PAWR: variants seen among roughly 807,000 people sequenced by gnomAD.
PAWR encodes PRKC apoptosis WT1 regulator protein.
In PAWR, 23 loss-of-function variants were observed where a neutral mutation model predicts 32.0. The observed-to-expected ratio is 0.72, with a 90% CI of 0.52 to 1.02. The LOEUF (loss-of-function observed/expected upper bound fraction) is 1.02, where lower values mean the gene tolerates loss of function less well. Ranked by LOEUF, PAWR falls within the 50% of genes least tolerant of loss-of-function variation. The probability of loss-of-function intolerance (pLI) is 0.00; values close to 1 mark genes in which losing one functional copy is unlikely to be tolerated. For synonymous variants in PAWR, 226 were observed against 187.1 expected (o/e 1.21, Z -1.70); for missense variants, 457 against 437.7 (o/e 1.04, Z -0.39).
chr12:79,613,528 A>T (rs2136699197), intron 4 of PAWR, 47 bp downstream of exon 4: 1 of 1,010,834 alleles, frequency 9.9e-7, no homozygotes, highest in South Asian at 1.5e-5. Flanking sequence ...TGTCAGACAG[A>T]CATTACATTC....
At chr12:79,647,016 A>C (rs1481925545) in intron 2 of PAWR, among the ~76,000 whole-genome samples, 1 of 151,918 alleles carries the variant, frequency 6.6e-6, no homozygotes, top group Admixed American at 6.6e-5. Context: ...TCTTTACTAA[A>C]ATACAAAAAT....
intron 2 of PAWR, among the ~76,000 whole-genome samples, chr12:79,623,815 T>A (rs1012894225): frequency 3.5e-4 from 54 of 152,170 alleles, no homozygotes; most frequent in Middle Eastern, 6.8e-3. Flanking sequence ...ATTACTTTTT[T>A]AAAAAAGAGG....
chr12:79,601,114 T>C (rs1014302955), intron 4 of PAWR, among the ~76,000 whole-genome samples: 12 of 151,966 alleles, frequency 7.9e-5, no homozygotes, highest in South Asian at 6.2e-4. Context: ...TGTGGCCCAT[T>C]TGAGAAACAG....
At position 79,664,662 on chromosome 12, in the gene PAWR, G is replaced by T. The variant is rs532031333; in HGVS notation, c.516+25067C>A. On this transcript the variant is annotated intron_variant, in intron 2 of 6. Coordinates refer to ENST00000328827, the MANE Select transcript of PAWR (RefSeq NM_002583.4). The stretch of plus-strand genomic sequence containing the variant: ...AGGACAAAGTAGACTCTTTGGCGGG[G>T]GGGGGAGGAGAGAGAGAGAGTGGTC... Among the ~76,000 whole-genome samples, 57 of 146,410 alleles carry T rather than the reference G, an allele frequency of 3.9e-4. 8 individuals carry two copies. The highest frequency in any genetic ancestry group is 1.4e-3 in the African/African-American group (54 of 38,506).
rs550176786 is a variant in PAWR, at chr12:79,674,222, A to C, written c.516+15507T>G. Among the ~76,000 whole-genome samples, 7 of 152,288 alleles carry C rather than the reference A, an allele frequency of 4.6e-5. No individual in the cohort carries two copies. The South Asian group carries it at 8.3e-4, about 18-fold the overall frequency. On this transcript the variant is annotated intron_variant, in intron 2 of 6. Transcript: ENST00000328827. The stretch of plus-strand genomic sequence containing the variant: ...AAACAGACACATGGACCAATGGAGC[A>C]GGTCAGAGAACCCCAAAAATAAAGC...
intron 4 of PAWR, among the ~76,000 whole-genome samples, chr12:79,611,428 C>T (rs1874437955): frequency 6.6e-6 from 1 of 151,188 alleles, no homozygotes. Flanking sequence ...TTACTCTATT[C>T]TCCCTTTTCT....
chr12:79,650,715 A>T (rs1428407429), intron 2 of PAWR, among the ~76,000 whole-genome samples: 22 of 18,486 alleles, frequency 1.2e-3, no homozygotes, highest in East Asian at 4.1e-3. Flanking sequence ...AAAGGTTATT[A>T]AAAAAAAAAA....
chr12:79,595,040 T>C (rs998196951), intron 5 of PAWR, among the ~76,000 whole-genome samples: 1 of 152,156 alleles, frequency 6.6e-6, no homozygotes. Context: ...ATTTAGCTTA[T>C]CACCACTATA....
chr12:79,638,790 GGTGTGTGT>G (rs34039182), intron 2 of PAWR, among the ~76,000 whole-genome samples: 177 of 105,272 alleles, frequency 1.7e-3, no homozygotes, highest in Non-Finnish European at 2.5e-3. Flanking sequence ...TTATATTTGG[GGTGTGTGT>G]GTGTGTGTGT....
At chr12:79,636,913 A>C (rs918860240) in intron 2 of PAWR, among the ~76,000 whole-genome samples, 6 of 152,158 alleles carry the variant, frequency 3.9e-5, no homozygotes, top group African/African-American at 1.2e-4. Flanking sequence ...ATTTTTGAAC[A>C]AATTTTTGCA....
intron 2 of PAWR, among the ~76,000 whole-genome samples, chr12:79,664,285 T>C (rs1005290947): frequency 2.6e-5 from 4 of 152,124 alleles, no homozygotes; most frequent in Admixed American, 1.3e-4. Context: ...TAAAAGACAA[T>C]GATCGGAGTG....
rs1875715189 is a variant in PAWR at position 79,632,336 on chromosome 12, TATATATATATATA to T, written c.517-11142_517-11130del. 6.9e-5 allele frequency among the ~76,000 whole-genome samples: 4 copies of T among 57,580 alleles called. No homozygotes were observed. In the African/African-American group the frequency reaches 8.6e-4, roughly 12 times the overall value. The allele number at this position is 57,580 out of a possible 152,430, so 37.8% of individuals were successfully genotyped here. ...ACATATATATATATATATATATATA[TATATATATATATA>T]TATATATATATATTTTTTTTTTTTT... is the stretch of plus-strand genomic sequence containing the variant. On this transcript the variant is annotated intron_variant, in intron 2 of 6. Transcript: ENST00000328827.
At chr12:79,593,704 T>G (rs1276808471) in intron 6 of PAWR, among the ~76,000 whole-genome samples, 2 of 146,958 alleles carry the variant, frequency 1.4e-5, no homozygotes, top group African/African-American at 2.5e-5. Flanking sequence ...TTTTAGGGTT[T>G]TTTTTTTTTT....
At chr12:79,595,320 G>A (rs2136673611) in intron 5 of PAWR, among the ~76,000 whole-genome samples, 1 of 152,188 alleles carries the variant, frequency 6.6e-6, no homozygotes, top group East Asian at 1.9e-4. Context: ...CAGGGCACTG[G>A]GCTTGGTCAG....
At chr12:79,617,961 G>A (rs1338681428) in intron 3 of PAWR, among the ~76,000 whole-genome samples, 2 of 152,144 alleles carry the variant, frequency 1.3e-5, no homozygotes, top group African/African-American at 2.4e-5. Flanking sequence ...AGCTCCCTGA[G>A]GGCCTCATAA....
intron 2 of PAWR, among the ~76,000 whole-genome samples, chr12:79,653,139 G>A (rs930569453): frequency 2.6e-5 from 4 of 151,912 alleles, no homozygotes; most frequent in Admixed American, 6.6e-5. Context: ...CACCTCCCAC[G>A]TTCCAGCAAT....
At position 79,671,720 on chromosome 12, in the gene PAWR, T is replaced by TAGC. The variant is rs375081067; in HGVS notation, c.516+18006_516+18008dup. On this transcript the variant is annotated intron_variant, in intron 2 of 6. Transcript: ENST00000328827. ...CATGTAATGAACTTAGAACAATGCC[T>TAGC]AGCATATACTCAAAATGTTAAGATT... 2.1e-3 allele frequency among the ~76,000 whole-genome samples: 323 copies of TAGC among 151,836 alleles called. 2 individuals are homozygous for TAGC. Among genetic ancestry groups the TAGC allele is most frequent in the African/African-American group, 7.6e-3 (315 of 41,546 alleles).
chr12:79,594,623 T>A (rs1421695978), intron 5 of PAWR, among the ~76,000 whole-genome samples, 190 bp from the exon 6 acceptor site: 1 of 152,186 alleles, frequency 6.6e-6, no homozygotes, highest in South Asian at 2.1e-4. Context: ...ACAGGAGATA[T>A]TAGGATGCTC....
At chr12:79,657,514 C>T (rs146864459) in intron 2 of PAWR, among the ~76,000 whole-genome samples, 2 of 151,938 alleles carry the variant, frequency 1.3e-5, no homozygotes, top group East Asian at 1.9e-4. Context: ...TGAAGAAGGG[C>T]CGCGCGGTGG....
Sources: gnomAD v4.1 joint callset for allele counts (sites outside exome capture counted in the v4.1 genomes callset) on GRCh38, gnomAD v4.1.1 for gene constraint, MANE v1.5 for transcripts, NCBI Gene and HGNC (gene_info 2026-07-23, HGNC 2026-07-21) for gene names.